Variants in BORCS5 observed in about 807,000 individuals in gnomAD.
BORCS5 encodes BLOC-1-related complex subunit 5.
Under a neutral mutation model 22.1 loss-of-function variants are expected in BORCS5, and 17 were observed. The observed-to-expected ratio is 0.77, with a 90% confidence interval of 0.53 to 1.15. The LOEUF (loss-of-function observed/expected upper bound fraction) is 1.15, where lower values mean the gene tolerates loss of function less well. Among genes scored for constraint, BORCS5 ranks in the 50% most tolerant of loss-of-function variants. BORCS5 has a pLI of 0.00. For synonymous variants in BORCS5, 117 were observed against 99.8 expected, an observed-to-expected ratio of 1.17 and a Z score of -1.03; for missense variants, 247 against 253.2, an observed-to-expected ratio of 0.98 and a Z score of 0.17.
chr12:12,369,935 G>T (rs1275422213), intron 2 of BORCS5, among the ~76,000 whole-genome samples: 1 of 151,416 alleles, frequency 6.6e-6, no homozygotes, highest in Non-Finnish European at 1.5e-5. Flanking sequence ...ATGTTGGTCA[G>T]GCTGGTCTCG....
chr12:12,373,876 C>T (rs1258813794), intron 2 of BORCS5, among the ~76,000 whole-genome samples: 1 of 151,752 alleles, frequency 6.6e-6, no homozygotes, highest in Non-Finnish European at 1.5e-5. Context: ...ATTAATTTGG[C>T]CTGGGAATTT....
rs573846766 is a variant in BORCS5, at chr12:12,362,826, T to A, written c.202+1477T>A. Among the ~76,000 whole-genome samples the A allele has an allele frequency of 2.7e-5, 4 of 148,414 alleles. No homozygotes were observed. In the East Asian group the frequency reaches 9.1e-4, roughly 34 times the overall value. On this transcript the variant is annotated intron_variant, in intron 2 of 3. Coordinates refer to ENST00000314565, the MANE Select transcript of BORCS5 (RefSeq NM_058169.6). ...AAGCTAAATGTTTTTATTATTATTA[T>A]TTTTAGTTGAGATGGGGTTTCACCA...
chr12:12,413,256 C>G (rs1941792642), intron 2 of BORCS5, among the ~76,000 whole-genome samples: 1 of 110,930 alleles, frequency 9.0e-6, no homozygotes, highest in South Asian at 2.4e-4. Context: ...TCCCTGGGTA[C>G]TTAAGATTAG....
intron 3 of BORCS5, chr12:12,452,197 A>T: frequency 1.7e-6 from 1 of 603,706 alleles, no homozygotes; most frequent in Non-Finnish European, 3.2e-6. Context: ...TTTACAGCTG[A>T]TACAGGTTCA....
chr12:12,369,912 A>G (rs533151427), intron 2 of BORCS5, among the ~76,000 whole-genome samples: 1 of 151,068 alleles, frequency 6.6e-6, no homozygotes, highest in African/African-American at 2.4e-5. Context: ...TTTAGTAGAG[A>G]TGGGGTGTCA....
At chr12:12,385,506 C>T (rs1438213807) in intron 2 of BORCS5, among the ~76,000 whole-genome samples, 1 of 146,918 alleles carries the variant, frequency 6.8e-6, no homozygotes, top group Non-Finnish European at 1.5e-5. Context: ...ACTATTTTTA[C>T]CCAAGTTCTT....
intron 3 of BORCS5, chr12:12,452,001 G>T: frequency 3.2e-6 from 1 of 310,552 alleles, no homozygotes; most frequent in Non-Finnish European, 6.3e-6. Flanking sequence ...ACAGTACCTT[G>T]ACTTAAATCC....
chr12:12,414,838 C>T (rs911964212), intron 2 of BORCS5, among the ~76,000 whole-genome samples: 7 of 147,362 alleles, frequency 4.8e-5, no homozygotes, highest in East Asian at 2.0e-4. Flanking sequence ...TCAGACGGGG[C>T]GGCCGGGCAG....
At chr12:12,449,067 T>C (rs554501894) in intron 3 of BORCS5, among the ~76,000 whole-genome samples, 28 of 152,362 alleles carry the variant, frequency 1.8e-4, no homozygotes, top group African/African-American at 6.7e-4. Context: ...TTCTTTATAC[T>C]TCCAACCGTG....
intron 2 of BORCS5, among the ~76,000 whole-genome samples, chr12:12,422,285 T>C (rs1942150181): frequency 7.4e-6 from 1 of 135,962 alleles, no homozygotes; most frequent in South Asian, 2.2e-4. Context: ...TTCTTTTCTT[T>C]TATTTTTTTT....
At chr12:12,389,109 T>C (rs1160727344) in intron 2 of BORCS5, among the ~76,000 whole-genome samples, 6 of 149,584 alleles carry the variant, frequency 4.0e-5, no homozygotes, top group African/African-American at 1.5e-4. Flanking sequence ...GCCAGAGTTT[T>C]TCCCCTAGGT....
chr12:12,456,665 C>T (rs1366307143), intron 3 of BORCS5, among the ~76,000 whole-genome samples: 1 of 151,980 alleles, frequency 6.6e-6, no homozygotes, highest in Non-Finnish European at 1.5e-5. Context: ...TATTGGATAG[C>T]ATCAAACAGT....
At chr12:12,441,155 C>T (rs1251350112) in intron 3 of BORCS5, among the ~76,000 whole-genome samples, 1 of 152,136 alleles carries the variant, frequency 6.6e-6, no homozygotes, top group East Asian at 1.9e-4. Flanking sequence ...ATCGGTCACA[C>T]CCAGCAGCTT....
intron 2 of BORCS5, among the ~76,000 whole-genome samples, chr12:12,429,596 A>AT (rs57336539): frequency 0.19 from 29,345 of 152,176 alleles, 3,688 homozygotes; most frequent in African/African-American, 0.36. Context: ...AATTCCTTTG[A>AT]TTTTGAAGTT....
chr12:12,367,225 G>A (rs1168633352), intron 2 of BORCS5, among the ~76,000 whole-genome samples: 1 of 152,218 alleles, frequency 6.6e-6, no homozygotes, highest in Non-Finnish European at 1.5e-5. Flanking sequence ...GATGGAGCTA[G>A]ATTTCAAATG....
At chr12:12,386,548 C>T (rs1264182193) in intron 2 of BORCS5, among the ~76,000 whole-genome samples, 1 of 149,836 alleles carries the variant, frequency 6.7e-6, no homozygotes, top group Non-Finnish European at 1.5e-5. Flanking sequence ...ATGATCTTGG[C>T]TCACTGCAAC....
chr12:12,398,701 A>G (rs188283001), intron 2 of BORCS5, among the ~76,000 whole-genome samples: 1 of 152,180 alleles, frequency 6.6e-6, no homozygotes, highest in Admixed American at 6.5e-5. Flanking sequence ...ATTTCCAAAC[A>G]CTAGGAGGCA....
At chr12:12,386,018 G>A (rs889290126) in intron 2 of BORCS5, among the ~76,000 whole-genome samples, 4 of 133,692 alleles carry the variant, frequency 3.0e-5, no homozygotes, top group African/African-American at 1.1e-4. Flanking sequence ...TTTTTTTTTT[G>A]GAGATGGAGT....
intron 3 of BORCS5, among the ~76,000 whole-genome samples, chr12:12,445,496 CTTTTTTTTTT>C (rs5796492): frequency 4.4e-5 from 2 of 45,774 alleles, no homozygotes; most frequent in Non-Finnish European, 3.8e-5. Flanking sequence ...ACATGCATTG[CTTTTTTTTTT>C]TTTTTTTTTC....
Sources: allele counts gnomAD v4.1 joint callset (sites outside exome capture counted in the v4.1 genomes callset), GRCh38; gene constraint gnomAD v4.1.1; transcripts MANE v1.5; gene names NCBI Gene and HGNC (gene_info 2026-07-23, HGNC 2026-07-21).